ZNF578: variants seen among roughly 807,000 people sequenced by gnomAD.
The protein encoded by ZNF578 is Putative chemokine-related protein B42.
In ZNF578, 8 loss-of-function variants were observed where a neutral mutation model predicts 8.3. The ratio of observed to expected loss-of-function variants is 0.96; its 90% CI spans 0.56 to 1.74. The LOEUF is 1.74. ZNF578 is among the 40% of genes most tolerant of loss of function. The pLI is 0.00. For missense variants in ZNF578, 726 were observed against 707.5 expected (o/e 1.03, Z -0.30); for synonymous variants, 206 against 232.2 (o/e 0.89, Z 1.03).
intron 2 of ZNF578, among the ~76,000 whole-genome samples, chr19:52,470,068 G>A (rs1198034522): frequency 2.6e-5 from 4 of 152,116 alleles, no homozygotes; most frequent in Non-Finnish European, 5.9e-5. Context: ...ACCCTGATGA[G>A]CCCTTTTTGC....
chr19:52,494,550 G>A (rs1383757969), intron 3 of ZNF578, among the ~76,000 whole-genome samples: 1 of 152,108 alleles, frequency 6.6e-6, no homozygotes, highest in Non-Finnish European at 1.5e-5. Flanking sequence ...TGAGTTCATT[G>A]GATATGATTA....
intron 3 of ZNF578, among the ~76,000 whole-genome samples, chr19:52,499,951 T>C (rs2562024): frequency 0.19 from 28,878 of 151,904 alleles, 2,939 homozygotes; most frequent in Non-Finnish European, 0.23. Flanking sequence ...TCTTCCACTG[T>C]TCCAGCCCCA....
intron 2 of ZNF578, among the ~76,000 whole-genome samples, chr19:52,471,040 C>A (rs2059290215): frequency 6.6e-6 from 1 of 152,148 alleles, no homozygotes; most frequent in Non-Finnish European, 1.5e-5. Context: ...CCACCCACTT[C>A]CTCCTGTTCT....
At chr19:52,509,950 T>G (rs564271512) in intron 5 of ZNF578, among the ~76,000 whole-genome samples, 10 of 150,656 alleles carry the variant, frequency 6.6e-5, no homozygotes, top group Non-Finnish European at 1.5e-4. Flanking sequence ...GGTGACATCT[T>G]GGCTCACTGC....
At chr19:52,479,483 G>T (rs1673906) in intron 2 of ZNF578, among the ~76,000 whole-genome samples, 6 of 149,830 alleles carry the variant, frequency 4.0e-5, no homozygotes, top group African/African-American at 1.5e-4. Context: ...TGCAGTGAGC[G>T]GAGATTGTGC....
At chr19:52,487,854 C>G (rs148582199) in intron 2 of ZNF578, among the ~76,000 whole-genome samples, 1 of 152,016 alleles carries the variant, frequency 6.6e-6, no homozygotes, top group African/African-American at 2.4e-5. Flanking sequence ...CCAGGCTGGT[C>G]TCAAAATCCT....
intron 5 of ZNF578, among the ~76,000 whole-genome samples, chr19:52,507,953 A>G (rs624024): frequency 0.33 from 50,632 of 151,804 alleles, 8,711 homozygotes; most frequent in African/African-American, 0.4. Flanking sequence ...GGTGGCTGAG[A>G]CAGGAGACTC....
At chr19:52,503,951 C>T (rs1347457640) in intron 4 of ZNF578, among the ~76,000 whole-genome samples, 3 of 152,082 alleles carry the variant, frequency 2.0e-5, no homozygotes, top group Admixed American at 2.0e-4. Context: ...GTCCACACCA[C>T]GACACCCAGC....
At chr19:52,469,575 A>G (rs965481844) in intron 2 of ZNF578, among the ~76,000 whole-genome samples, 1 of 152,212 alleles carries the variant, frequency 6.6e-6, no homozygotes, top group Non-Finnish European at 1.5e-5. Flanking sequence ...AATAGTACAG[A>G]GAACACTGAT....
intron 3 of ZNF578, among the ~76,000 whole-genome samples, chr19:52,494,114 G>A (rs1248361240): frequency 2.0e-5 from 3 of 151,348 alleles, no homozygotes. Flanking sequence ...GAATCCCAGG[G>A]AAAAAGACAA....
intron 2 of ZNF578, among the ~76,000 whole-genome samples, chr19:52,465,966 G>A (rs1174472225): frequency 5.9e-5 from 9 of 152,196 alleles, no homozygotes; most frequent in Admixed American, 5.2e-4. Flanking sequence ...GGTACTCAAA[G>A]TCCAATGGTG....
chr19:52,501,888 C>G lies in ZNF578; in HGVS notation c.43C>G (p.Pro15Ala), dbSNP rs267605637. 1.2e-5 allele frequency: 19 copies of G among 1,613,222 alleles called. No individual in the cohort carries two copies. Among genetic ancestry groups the G allele is most frequent in the Non-Finnish European group, 1.5e-5 (18 of 1,179,740 alleles). The change falls in exon 4 of 6, where the codon CCA becomes GCA. Residue 15 changes from proline (P) to alanine (A), a missense_variant. Pro to Ala is a conservative substitution (Grantham distance 27, BLOSUM62 -1). Transcript: ENST00000421239. ...AGCTCAGAAGAGGAAAGGAAAGGAG[C>G]CAGGCATGGCTCTTCCTCAGGTGAA... The part of the protein sequence containing the change: ...EAAQKRKGKE[P>A]GMALPQGRLT...
chr19:52,501,663 T>C (rs1201408115), intron 3 of ZNF578, among the ~76,000 whole-genome samples, 164 bp from the exon 4 acceptor site: 5 of 152,164 alleles, frequency 3.3e-5, no homozygotes, highest in African/African-American at 4.8e-5. Context: ...CATACACTTA[T>C]AGGTCTTCCT....
At chr19:52,480,111 G>A (rs1354476520) in intron 2 of ZNF578, among the ~76,000 whole-genome samples, 2 of 152,106 alleles carry the variant, frequency 1.3e-5, no homozygotes, top group African/African-American at 2.4e-5. Context: ...GGGTTTCACC[G>A]TGTTAGCCAG....
rs1224018221 is a variant in ZNF578 at position 52,513,152 on chromosome 19, C to A, written c.*998C>A. Among the ~76,000 whole-genome samples the A allele has an allele frequency of 6.6e-6, 1 of 151,970 alleles. No homozygotes were observed. The highest frequency in any genetic ancestry group is 1.5e-5 in the Non-Finnish European group (1 of 67,992). ...TCCTCTGCCTCAGCCTCCCTAGTTG[C>A]TGGGATTACAGGTATATGCCACGAC... On this transcript the variant is annotated 3_prime_UTR_variant, in exon 6 of 6. Coordinates refer to ENST00000421239, the MANE Select transcript of ZNF578 (RefSeq NM_001099694.2).
At chr19:52,461,244 G>A (rs955470762) in intron 2 of ZNF578, among the ~76,000 whole-genome samples, 1 of 152,160 alleles carries the variant, frequency 6.6e-6, no homozygotes, top group East Asian at 1.9e-4. Flanking sequence ...AGCATTATGT[G>A]AATGGGGATT....
chr19:52,498,701 T>TTTTTTTTTTTTG (rs1436867631), intron 3 of ZNF578, among the ~76,000 whole-genome samples: 7 of 134,682 alleles, frequency 5.2e-5, no homozygotes, highest in African/African-American at 2.0e-4. Flanking sequence ...TTTTTTTTTT[T>TTTTTTTTTTTTG]GTAAGACAGA....
intron 4 of ZNF578, 113 bp from the exon 5 acceptor site, chr19:52,504,542 G>C: frequency 6.4e-7 from 1 of 1,562,490 alleles, no homozygotes; most frequent in Non-Finnish European, 8.6e-7. Context: ...ACGTGGTTTT[G>C]TCACAACACA....
intron 5 of ZNF578, among the ~76,000 whole-genome samples, chr19:52,508,893 ATTTTTTTT>A (rs869062581): frequency 1.8e-4 from 15 of 82,046 alleles, no homozygotes; most frequent in Non-Finnish European, 2.8e-4. Context: ...CTATTAGTCA[ATTTTTTTT>A]TTTTTTTTTT....
Sources: gnomAD v4.1 joint callset for allele counts (sites outside exome capture counted in the v4.1 genomes callset) on GRCh38, gnomAD v4.1.1 for gene constraint, MANE v1.5 for transcripts, NCBI Gene and HGNC (gene_info 2026-07-23, HGNC 2026-07-21) for gene names.